The following DOCK4 variants were observed in gnomAD, a reference collection of about 807,000 sequenced individuals.
DOCK4 encodes dedicator of cytokinesis 4.
In DOCK4, 97 loss-of-function variants were observed where a neutral mutation model predicts 268.1. That is an observed-to-expected ratio of 0.36 (90% CI 0.31 to 0.43). The LOEUF is 0.43. Ranked by LOEUF, DOCK4 falls within the 20% of genes least tolerant of loss-of-function variation. The pLI is 1.00. For missense variants in DOCK4, 2,145 were observed against 2,455.7 expected, an observed-to-expected ratio of 0.87 and a Z score of 2.67; for synonymous variants, 954 against 887.2, an observed-to-expected ratio of 1.08 and a Z score of -1.34.
chr7:112,183,781 C>T (rs762808636), intron 1 of DOCK4, among the ~76,000 whole-genome samples: 5 of 152,182 alleles, frequency 3.3e-5, no homozygotes, highest in Admixed American at 6.5e-5. Context: ...AGCAGTATTT[C>T]GATAGTGGTA....
rs375266222 is a variant in DOCK4 at position 112,034,009 on chromosome 7, C to T, written c.38-29878G>A. On this transcript the variant is annotated intron_variant, in intron 1 of 52. Transcript: ENST00000428084. ...GGCTAATCCATTGTGCTTTTGATTG[C>T]GTTTTGGCTCTCAGCTCTCTCAAAC... Among the ~76,000 whole-genome samples the T allele has an allele frequency of 1.6e-4, 25 of 152,240 alleles. 2 individuals carry two copies. Among genetic ancestry groups the T allele is most frequent in the African/African-American group, 4.1e-4 (17 of 41,544 alleles).
Position 111,784,333 on chromosome 7 carries a change from G to C in DOCK4, c.3402-210C>G, listed in dbSNP as rs2133769832. 4 of 703,096 alleles carry C rather than the reference G, an allele frequency of 5.7e-6. No homozygotes were observed. The East Asian group carries it at 1.1e-4, about 19-fold the overall frequency. 43.6% of individuals were successfully genotyped at this position (703,096 alleles called of 1,614,324 possible). On this transcript the variant is annotated intron_variant, in intron 32 of 52. Coordinates refer to ENST00000428084, the MANE Select transcript of DOCK4 (RefSeq NM_001363540.2). ...AAAGCAAAAACAGGAGTGCCTCCAAGTTTACTTTTAAGCAAGATCTTGCTT... is the reference window on the plus strand; with the variant it reads ...AAAGCAAAAACAGGAGTGCCTCCAACTTTACTTTTAAGCAAGATCTTGCTT...
intron 17 of DOCK4, among the ~76,000 whole-genome samples, chr7:111,873,158 C>A (rs1224307297): frequency 1.3e-5 from 2 of 152,184 alleles, no homozygotes; most frequent in Non-Finnish European, 2.9e-5. Flanking sequence ...AAGAGCAGCT[C>A]CTGGACTCCA....
intron 16 of DOCK4, among the ~76,000 whole-genome samples, chr7:111,888,111 T>C (rs1808000924): frequency 6.6e-6 from 1 of 151,776 alleles, no homozygotes; most frequent in South Asian, 2.1e-4. Flanking sequence ...AAATAGCTCT[T>C]GTGAGGACTA....
rs1797723564 is a variant in DOCK4, at chr7:111,971,662, A to T, written c.701+5470T>A. The T allele has an allele frequency of 3.4e-5, 8 of 237,000 alleles. No homozygotes were observed. The South Asian group carries it at 4.9e-4, about 15-fold the overall frequency. The allele number at this position is 237,000 out of a possible 1,614,324, so 14.7% of individuals were successfully genotyped here. On this transcript the variant is annotated intron_variant, in intron 8 of 52. Coordinates refer to ENST00000428084, the MANE Select transcript of DOCK4 (RefSeq NM_001363540.2). ...TCCCCTTTGCCACAGCTTTCTTCTC[A>T]GCCTGGGCCAACAGCCTCTTCTCTT...
At chr7:111,788,598 G>C in intron 32 of DOCK4, 64 bp downstream of exon 32, 2 of 1,351,816 alleles carry the variant, frequency 1.5e-6, no homozygotes, top group Non-Finnish European at 2.1e-6. Flanking sequence ...GTGGTGCAGA[G>C]AGGCTCAGTA....
intron 1 of DOCK4, among the ~76,000 whole-genome samples, chr7:112,204,413 C>T (rs1373790769): frequency 6.6e-6 from 1 of 152,148 alleles, no homozygotes; most frequent in Non-Finnish European, 1.5e-5. Flanking sequence ...GAGGCGATGC[C>T]CTCGGGTCCC....
intron 30 of DOCK4, among the ~76,000 whole-genome samples, chr7:111,801,098 C>T (rs1458564990): frequency 1.3e-5 from 2 of 152,162 alleles, no homozygotes; most frequent in Non-Finnish European, 2.9e-5. Context: ...TATGGCGATT[C>T]CTACCACCTG....
intron 8 of DOCK4, chr7:111,971,819 A>G: frequency 3.3e-6 from 1 of 302,762 alleles, no homozygotes; most frequent in Middle Eastern, 1.2e-3. Context: ...TCTTTGCCAC[A>G]GCAACCTGAT....
intron 23 of DOCK4, among the ~76,000 whole-genome samples, chr7:111,860,029 T>C (rs894819362): frequency 6.6e-6 from 1 of 152,210 alleles, no homozygotes; most frequent in Non-Finnish European, 1.5e-5. Context: ...CAGCCTATTT[T>C]TGTGAGATGT....
intron 15 of DOCK4, among the ~76,000 whole-genome samples, chr7:111,896,414 G>A (rs1305616103): frequency 6.6e-6 from 1 of 151,804 alleles, no homozygotes; most frequent in Non-Finnish European, 1.5e-5. Flanking sequence ...TTATAGATAG[G>A]GAAATTGAGG....
chr7:111,963,136 G>C (rs1427998136), intron 8 of DOCK4, among the ~76,000 whole-genome samples: 1 of 152,216 alleles, frequency 6.6e-6, no homozygotes, highest in Non-Finnish European at 1.5e-5. Flanking sequence ...AGTTATAAGG[G>C]AGGTAGTCAA....
At chr7:112,122,828 C>T (rs1812864490) in intron 1 of DOCK4, among the ~76,000 whole-genome samples, 2 of 152,088 alleles carry the variant, frequency 1.3e-5, no homozygotes, top group South Asian at 4.1e-4. Context: ...TTATGAGTGA[C>T]TATCTTTAAG....
intron 7 of DOCK4, among the ~76,000 whole-genome samples, chr7:111,980,565 G>T (rs1798532390): frequency 6.6e-6 from 1 of 152,158 alleles, no homozygotes; most frequent in Non-Finnish European, 1.5e-5. Context: ...CTACACCAGG[G>T]TTTACCAACC....
Position 111,727,746 on chromosome 7 carries a change from C to T in DOCK4, c.*528G>A, listed in dbSNP as rs1794740903. 1.3e-5 allele frequency: 2 copies of T among 152,266 alleles called. No individual in the cohort carries two copies. The highest frequency in any genetic ancestry group is 2.9e-5 in the Non-Finnish European group (2 of 68,126). 9.4% of individuals were successfully genotyped at this position (152,266 alleles called of 1,614,324 possible). On this transcript the variant is annotated 3_prime_UTR_variant, in exon 53 of 53. Coordinates refer to ENST00000428084, the MANE Select transcript of DOCK4 (RefSeq NM_001363540.2). The stretch of plus-strand genomic sequence containing the variant: ...TTCAAGAACAAAACAATTTCCAGTC[C>T]CAAGCTTTGCAACCCCTTAAGTATA...
chr7:111,918,795 C>T (rs1345503873), intron 12 of DOCK4, among the ~76,000 whole-genome samples: 1 of 152,192 alleles, frequency 6.6e-6, no homozygotes. Flanking sequence ...GGGGAAAACA[C>T]TGTTCAAATC....
intron 32 of DOCK4, among the ~76,000 whole-genome samples, chr7:111,785,999 G>A (rs1799138627): frequency 6.6e-6 from 1 of 152,144 alleles, no homozygotes; most frequent in Non-Finnish European, 1.5e-5. Context: ...TCATAATGGG[G>A]TTACGTAGAA....
At chr7:111,814,355 C>A (rs951432545) in intron 27 of DOCK4, among the ~76,000 whole-genome samples, 1 of 152,114 alleles carries the variant, frequency 6.6e-6, no homozygotes, top group African/African-American at 2.4e-5. Flanking sequence ...CACCTGGGAG[C>A]TTTTAAAATA....
intron 11 of DOCK4, among the ~76,000 whole-genome samples, chr7:111,939,666 TAA>T (rs1795045646): frequency 6.6e-6 from 1 of 152,184 alleles, no homozygotes; most frequent in Non-Finnish European, 1.5e-5. Flanking sequence ...ATAAATGGGT[TAA>T]GCCATGCAGT....
Sources: allele counts gnomAD v4.1 joint callset (sites outside exome capture counted in the v4.1 genomes callset), GRCh38; gene constraint gnomAD v4.1.1; transcripts MANE v1.5; gene names NCBI Gene and HGNC (gene_info 2026-07-23, HGNC 2026-07-21).